ZNF562: variants seen among roughly 807,000 people sequenced by gnomAD.
ZNF562 encodes zinc finger protein 562.
In ZNF562, 13 loss-of-function variants were observed where a neutral mutation model predicts 17.5. The observed-to-expected ratio is 0.74, with a 90% confidence interval of 0.48 to 1.18. ZNF562 has a LOEUF of 1.18. Among genes scored for constraint, ZNF562 ranks in the 50% most tolerant of loss-of-function variants. ZNF562 has a pLI of 0.00. For missense variants in ZNF562, 481 were observed against 498.5 expected, an observed-to-expected ratio of 0.96 and a Z score of 0.33; for synonymous variants, 163 against 165.4, an observed-to-expected ratio of 0.99 and a Z score of 0.11.
At chr19:9,664,079 G>C (rs902873588) in intron 1 of ZNF562, among the ~76,000 whole-genome samples, 16 of 151,800 alleles carry the variant, frequency 1.1e-4, no homozygotes, top group Admixed American at 4.6e-4. Context: ...GTTTTGTTTT[G>C]TTTTTTAAGA....
In ZNF562 at chr19:9,653,310, A is replaced by C. The variant is rs369808754; in HGVS notation, c.920T>G (p.Ile307Ser). 254 of 1,614,082 alleles carry C rather than the reference A, an allele frequency of 1.6e-4. No homozygotes were observed. Among genetic ancestry groups the C allele is most frequent in the Non-Finnish European group, 2.1e-4 (242 of 1,180,042 alleles). The change falls in exon 6 of 6, where the codon ATT becomes AGT. Residue 307 changes from isoleucine to serine, a missense_variant. Transcript: ENST00000453372. Reference sequence around the variant, plus strand: ...TGGTTTTATTCCAGTGTGAATTTGAATGTGAACATTAAAGGATGAGGAATT... The same window carrying C: ...TGGTTTTATTCCAGTGTGAATTTGACTGTGAACATTAAAGGATGAGGAATT... ...FRNSSSFNVH[I>S]QIHTGIKPHK...
chr19:9,658,907 C>A (rs1391542820), intron 3 of ZNF562, among the ~76,000 whole-genome samples: 3 of 152,110 alleles, frequency 2.0e-5, no homozygotes, highest in African/African-American at 7.2e-5. Flanking sequence ...CTCCTCCCAC[C>A]CCAGCCTCCT....
At position 9,667,766 on chromosome 19, in the gene ZNF562, T is replaced by G. The variant is rs1453855124; in HGVS notation, c.-130-6892A>C. Among the ~76,000 whole-genome samples the G allele has an allele frequency of 3.3e-5, 5 of 151,916 alleles. No individual in the cohort carries two copies. In the East Asian group the frequency reaches 9.7e-4, roughly 29 times the overall value. On this transcript the variant is annotated intron_variant, in intron 1 of 5. Coordinates refer to ENST00000453372, the MANE Select transcript of ZNF562 (RefSeq NM_001130031.2). Reference sequence around the variant, plus strand: ...TGACAATGCTAACTTTTTTTTTTTTTAGAGACTGGGGGCAGAGGGGTCCTC... The same window carrying G: ...TGACAATGCTAACTTTTTTTTTTTTGAGAGACTGGGGGCAGAGGGGTCCTC...
At chr19:9,670,330 A>G (rs979226699) in intron 1 of ZNF562, among the ~76,000 whole-genome samples, 2 of 152,322 alleles carry the variant, frequency 1.3e-5, no homozygotes, top group Non-Finnish European at 1.5e-5. Context: ...CATTGGGTAT[A>G]TATCCAAAAG....
Position 9,650,278 on chromosome 19 carries a change from C to A in ZNF562, c.*2671G>T, listed in dbSNP as rs73923659. 23 of 151,914 alleles carry A rather than the reference C, an allele frequency of 1.5e-4. No homozygotes were observed. Among genetic ancestry groups the A allele is most frequent in the Non-Finnish European group, 2.5e-4 (17 of 67,996 alleles). 9.4% of individuals were successfully genotyped at this position (151,914 alleles called of 1,614,324 possible). ...GGGGGTCATTGTTCAGTCCAAAGTA[C>A]TTAATATGATTCTTTTCTCTTTCCA... On this transcript the variant is annotated 3_prime_UTR_variant, in exon 6 of 6. Transcript: ENST00000453372.
At chr19:9,657,446 G>C (rs1443349142) in intron 4 of ZNF562, among the ~76,000 whole-genome samples, 1 of 149,694 alleles carries the variant, frequency 6.7e-6, no homozygotes, top group African/African-American at 2.5e-5. Flanking sequence ...AAAAAAAACA[G>C]AACTGGTAGT....
rs1040619242 is a variant in ZNF562 at position 9,651,139 on chromosome 19, G to C, written c.*1810C>G. ...AAACAAACAAAAAAACTAAAAATGT[G>C]AAGCAGCTTTGAAACTGACAAATGA... On this transcript the variant is annotated 3_prime_UTR_variant, in exon 6 of 6. Transcript: ENST00000453372. 2.0e-5 allele frequency: 3 copies of C among 152,142 alleles called. No homozygotes were observed. The highest frequency in any genetic ancestry group is 4.8e-5 in the African/African-American group (2 of 41,412). The allele number at this position is 152,142 out of a possible 1,614,324, so 9.4% of individuals were successfully genotyped here.
rs775950354 is a variant in ZNF562, at chr19:9,656,635, G to A, written c.260C>T (p.Thr87Ile). 22 of 1,613,888 alleles carry A rather than the reference G, an allele frequency of 1.4e-5. 1 individual carries two copies. The South Asian group carries it at 2.3e-4, about 17-fold the overall frequency. ...TCTAGGTTGTATTTCCCATTCTGAA[G>A]TTAAGCAGAAAAAGAAATCTAAGGG... is the stretch of plus-strand genomic sequence containing the variant. ...LASVDFFFCLTSEWEIQPRTK... is the reference protein window; with the variant it reads ...LASVDFFFCLISEWEIQPRTK... The change falls in exon 5 of 6, where the codon ACT becomes ATT. Residue 87 changes from threonine to isoleucine, a missense_variant. Thr to Ile is a moderately conservative substitution (Grantham distance 89, BLOSUM62 -1). Coordinates refer to ENST00000453372, the MANE Select transcript of ZNF562 (RefSeq NM_001130031.2).
At chr19:9,669,715 CGA>C (rs1568281539) in intron 1 of ZNF562, among the ~76,000 whole-genome samples, 3,385 of 114,276 alleles carry the variant, frequency 0.03, 151 homozygotes, top group African/African-American at 0.12. Flanking sequence ...TGCACGCGCG[CGA>C]GCGCGCGCGC....
Position 9,645,915 on chromosome 19 carries a change from TATG to T in ZNF562, c.*7031_*7033del, listed in dbSNP as rs1319727703. 2.0e-5 allele frequency: 3 copies of T among 151,964 alleles called. No homozygotes were observed. The highest frequency in any genetic ancestry group is 1.3e-4 in the Admixed American group (2 of 15,262). 9.4% of individuals were successfully genotyped at this position (151,964 alleles called of 1,614,324 possible). ...CATCAAGAATAAAATAAATTAAAGG[TATG>T]ATCAATACACATCAGTACAAAGAGG... On this transcript the variant is annotated 3_prime_UTR_variant, in exon 6 of 6. Transcript: ENST00000453372.
At position 9,660,548 on chromosome 19, in the gene ZNF562, G is replaced by A. The variant is rs190511285; in HGVS notation, c.25+172C>T. On this transcript the variant is annotated intron_variant, in intron 2 of 5. Coordinates refer to ENST00000453372, the MANE Select transcript of ZNF562 (RefSeq NM_001130031.2). ...TTGAACCCAGGAGGTGGAGGTTGCG[G>A]TGAGCTAAGATCATGCCATTGCACT... Among the ~76,000 whole-genome samples the A allele has an allele frequency of 1.2e-3, 187 of 151,692 alleles. 2 individuals carry two copies. The highest frequency in any genetic ancestry group is 2.1e-4 in the South Asian group (1 of 4,810).
chr19:9,649,400 T>C lies in ZNF562; in HGVS notation c.*3549A>G, dbSNP rs2074837760. On this transcript the variant is annotated 3_prime_UTR_variant, in exon 6 of 6. Transcript: ENST00000453372. Reference sequence around the variant, plus strand: ...GGAAACAAGAGAGATAACCTTAAATTCTGACCGCCGGTGAGCCAGGTGGAA... The same window carrying C: ...GGAAACAAGAGAGATAACCTTAAATCCTGACCGCCGGTGAGCCAGGTGGAA... 1 of 152,168 alleles carries C rather than the reference T, an allele frequency of 6.6e-6. No homozygotes were observed. Among genetic ancestry groups the C allele is most frequent in the South Asian group, 2.1e-4 (1 of 4,824 alleles). 9.4% of individuals were successfully genotyped at this position (152,168 alleles called of 1,614,324 possible). A position where few individuals can be genotyped will look rare whatever the true frequency, so the allele number is the denominator to read the frequency against.
intron 5 of ZNF562, among the ~76,000 whole-genome samples, chr19:9,654,219 G>A (rs2043374992): frequency 6.6e-6 from 1 of 151,860 alleles, no homozygotes; most frequent in African/African-American, 2.4e-5. Context: ...TCAAACTCCT[G>A]AGTTCAGGTG....
rs1386282449 is a variant in ZNF562 at position 9,653,286 on chromosome 19, G to T, written c.944C>A (p.Pro315Gln). Residue 315 changes from proline to glutamine, a missense_variant, in exon 6 of 6, where the codon CCA (proline) becomes CAA (glutamine). Pro to Gln is a moderately conservative substitution (Grantham distance 76). This residue lies in a region of ZNF562 where 403 missense variants were observed against 386.4 expected (regional missense o/e 1.04). Transcript: ENST00000453372. ...VHIQIHTGIK[P>Q]HKCTECGKAF... ...TTTCCCACATTCCGTACATTTGTGT[G>T]GTTTTATTCCAGTGTGAATTTGAAT... 1.4e-5 allele frequency: 23 copies of T among 1,613,990 alleles called. No homozygotes were observed. The highest frequency in any genetic ancestry group is 1.7e-5 in the Non-Finnish European group (20 of 1,180,038).
chr19:9,657,551 C>CTTT (rs112714600), intron 4 of ZNF562, among the ~76,000 whole-genome samples: 7 of 142,346 alleles, frequency 4.9e-5, no homozygotes, highest in Non-Finnish European at 6.2e-5. Flanking sequence ...CTTTAAAAAT[C>CTTT]TTTTTTTTTT....
intron 4 of ZNF562, among the ~76,000 whole-genome samples, 167 bp from the exon 5 acceptor site, chr19:9,656,820 C>T (rs1383529081): frequency 6.6e-6 from 1 of 150,676 alleles, no homozygotes. Context: ...GTCAGGAGAT[C>T]AAGACCATCC....
At chr19:9,657,229 A>T (rs189701098) in intron 4 of ZNF562, among the ~76,000 whole-genome samples, 3 of 151,764 alleles carry the variant, frequency 2.0e-5, no homozygotes, top group East Asian at 2.0e-4. Flanking sequence ...AGCAGGAAAG[A>T]TCAGGATAAA....
intron 3 of ZNF562, 39 bp from the exon 4 acceptor site, chr19:9,658,174 A>T (rs1168148471): frequency 1.3e-6 from 2 of 1,592,940 alleles, no homozygotes; most frequent in Non-Finnish European, 1.7e-6. Flanking sequence ...GCCAATGAAC[A>T]CTTCCACCAA....
Position 9,642,915 on chromosome 19 carries a change from G to T in ZNF562, c.*10034C>A, listed in dbSNP as rs2074782019. ...AAATTAGCCGGGCCTGGTGGTACAT[G>T]CCTGCATTCCCAGCTACTCAGAAGG... On this transcript the variant is annotated 3_prime_UTR_variant, in exon 6 of 6. Transcript: ENST00000453372. 1 of 151,718 alleles carries T rather than the reference G, an allele frequency of 6.6e-6. No individual in the cohort carries two copies. The highest frequency in any genetic ancestry group is 1.5e-5 in the Non-Finnish European group (1 of 67,996). 9.4% of individuals were successfully genotyped at this position (151,718 alleles called of 1,614,324 possible). A position where few individuals can be genotyped will look rare whatever the true frequency, so the allele number is the denominator to read the frequency against.
Sources: gnomAD v4.1 joint callset for allele counts (sites outside exome capture counted in the v4.1 genomes callset) on GRCh38, gnomAD v4.1.1 for gene constraint, gnomAD v4.1.1 regional missense constraint, MANE v1.5 for transcripts, NCBI Gene and HGNC (gene_info 2026-07-23, HGNC 2026-07-21) for gene names.